Variants in SPTAN1 observed in about 807,000 individuals in gnomAD.
The protein encoded by SPTAN1 is spectrin alpha, non-erythrocytic 1.
SPTAN1 carries 61 observed loss-of-function variants against 331.3 expected under a neutral mutation model. The observed-to-expected ratio is 0.18, with a 90% CI of 0.15 to 0.23. SPTAN1 has a LOEUF of 0.23. SPTAN1 is among the 10% of genes least tolerant of loss of function. The probability of loss-of-function intolerance (pLI) is 1.00; values close to 1 mark genes in which losing one functional copy is unlikely to be tolerated. For missense variants in SPTAN1, 2,043 were observed against 3,147.9 expected (o/e 0.65, Z 8.40); for synonymous variants, 1,153 against 1,173.9 (o/e 0.98, Z 0.36).
intron 1 of SPTAN1, among the ~76,000 whole-genome samples, chr9:128,559,022 G>A (rs945832): frequency 0.97 from 148,006 of 152,252 alleles, 72,088 homozygotes; most frequent in East Asian, 1. Flanking sequence ...ATGTTTTTTG[G>A]TGTCTCCTGT....
At chr9:128,586,287 C>T (rs543922756) in intron 19 of SPTAN1, among the ~76,000 whole-genome samples, 88 of 151,586 alleles carry the variant, frequency 5.8e-4, no homozygotes, top group African/African-American at 1.9e-3. Context: ...TGCCTAGCTA[C>T]GCTTTTTAAT....
chr9:128,604,991 G>C, intron 29 of SPTAN1, 43 bp from the exon 30 acceptor site: 2 of 1,612,618 alleles, frequency 1.2e-6, no homozygotes, highest in Non-Finnish European at 1.7e-6. Flanking sequence ...AATCAAGGCA[G>C]TTGTACTTGG....
At chr9:128,608,474 A>T (rs890652026) in intron 34 of SPTAN1, among the ~76,000 whole-genome samples, 198 bp downstream of exon 34, 3 of 151,966 alleles carry the variant, frequency 2.0e-5, no homozygotes, top group Non-Finnish European at 4.4e-5. Flanking sequence ...GGAAAAAAAA[A>T]TATTATCAAA....
chr9:128,630,103 C>T (rs1042706302), intron 51 of SPTAN1: 1 of 728,138 alleles, frequency 1.4e-6, no homozygotes, highest in African/African-American at 1.7e-5. Context: ...TGGCCCACAC[C>T]AAGGCAGCAG....
intron 2 of SPTAN1, among the ~76,000 whole-genome samples, chr9:128,567,720 A>G (rs1269474266): frequency 6.6e-6 from 1 of 152,162 alleles, no homozygotes; most frequent in Non-Finnish European, 1.5e-5. Context: ...AATCTTATCA[A>G]AAGCAAAGCC....
intron 28 of SPTAN1, 75 bp downstream of exon 28, chr9:128,603,665 CT>C: frequency 6.4e-7 from 1 of 1,561,860 alleles, no homozygotes; most frequent in Non-Finnish European, 8.8e-7. Flanking sequence ...TACAGCAGAG[CT>C]CTTGTTCTTG....
intron 56 of SPTAN1, 91 bp downstream of exon 56, chr9:128,633,046 C>G: frequency 1.9e-6 from 3 of 1,593,194 alleles, no homozygotes; most frequent in Non-Finnish European, 2.6e-6. Context: ...ACAGGCCCTG[C>G]GCTGGGTATT....
intron 56 of SPTAN1, 76 bp from the exon 57 acceptor site, chr9:128,633,133 A>G (rs1204804839): frequency 1.2e-6 from 2 of 1,609,208 alleles, no homozygotes; most frequent in East Asian, 2.2e-5. Flanking sequence ...AGCCCCCAGC[A>G]TCCTGAGACC....
At chr9:128,604,977 C>T (rs1855637193) in intron 29 of SPTAN1, 57 bp from the exon 30 acceptor site, 9 of 1,595,118 alleles carry the variant, frequency 5.6e-6, no homozygotes, top group South Asian at 1.1e-5. Context: ...TTTTAGTGTC[C>T]TGTAATCAAG....
intron 1 of SPTAN1, among the ~76,000 whole-genome samples, chr9:128,564,602 T>C (rs2132900590): frequency 9.2e-6 from 1 of 108,404 alleles, no homozygotes; most frequent in South Asian, 3.1e-4. Flanking sequence ...TAAATAAAAA[T>C]CTGGTATACA....
At chr9:128,621,530 A>T (rs1857856655) in intron 45 of SPTAN1, 5 of 543,624 alleles carry the variant, frequency 9.2e-6, no homozygotes, top group Non-Finnish European at 1.7e-5. Context: ...TTCTCAAGCA[A>T]TACAGTCTCT....
Position 128,598,386 on chromosome 9 carries a change from C to T in SPTAN1, c.3415-14C>T. 3 of 1,605,328 alleles carry T rather than the reference C, an allele frequency of 1.9e-6. No homozygotes were observed. Among genetic ancestry groups the T allele is most frequent in the Non-Finnish European group, 2.6e-6 (3 of 1,175,296 alleles). On this transcript the variant is annotated splice_polypyrimidine_tract_variant and intron_variant, in intron 24 of 56. Transcript: ENST00000372739. ...CTATTTTGGGTTTTAGTTATTATGG[C>T]TTTTGCTTTAAAGGACCTGAAGGCC...
intron 48 of SPTAN1, 139 bp from the exon 49 acceptor site, chr9:128,626,252 C>A: frequency 8.8e-7 from 1 of 1,137,476 alleles, no homozygotes; most frequent in Non-Finnish European, 1.3e-6. Flanking sequence ...GAGCAGGAGA[C>A]AGGAGCAGAG....
At chr9:128,597,703 C>T (rs1257540792) in intron 24 of SPTAN1, among the ~76,000 whole-genome samples, 2 of 152,316 alleles carry the variant, frequency 1.3e-5, no homozygotes, top group East Asian at 3.9e-4. Flanking sequence ...GGATGGAGTG[C>T]AGTGGCACGA....
At position 128,625,964 on chromosome 9, in the gene SPTAN1, A is replaced by G. The variant is rs1279681643; in HGVS notation, c.6265A>G (p.Ser2089Gly). 6.2e-7 allele frequency: 1 copy of G among 1,614,108 alleles called. No homozygotes were observed. The highest frequency in any genetic ancestry group is 1.1e-5 in the South Asian group (1 of 91,078). ...ARKKKLLEAQ[S>G]HFRKVEDLFL... Reference sequence around the variant, plus strand: ...CAAGAAGAAGCTTCTGGAGGCTCAGAGTCACTTCCGCAAGGTGAGGATGGG... The same window carrying G: ...CAAGAAGAAGCTTCTGGAGGCTCAGGGTCACTTCCGCAAGGTGAGGATGGG... Residue 2089 changes from serine (S) to glycine (G), a missense_variant, in exon 48 of 57, where the codon AGT becomes GGT. By Grantham distance (56) the Ser-to-Gly change is moderately conservative. Transcript: ENST00000372739. This position sits in a 1 kb window ranked among gnomAD's most constrained non-coding sequence, Gnocchi z 4.1.
chr9:128,576,872 A>G lies in SPTAN1; in HGVS notation c.701A>G (p.Asn234Ser), dbSNP rs752578570. 39 of 1,614,030 alleles carry G rather than the reference A, an allele frequency of 2.4e-5. No homozygotes were observed. Among genetic ancestry groups the G allele is most frequent in the African/African-American group, 2.3e-4 (17 of 74,946 alleles). The change falls in exon 6 of 57, where the codon AAT becomes AGT. Residue 234 changes from asparagine (N) to serine (S), a missense_variant. Transcript: ENST00000372739. The part of the protein sequence containing the change: ...ELIKTKQDEV[N>S]AAWQRLKGLA... ...ATCAAGACTAAGCAGGATGAAGTCA[A>G]TGCAGCCTGGCAGCGGCTGAAGGGC...
chr9:128,629,138 CG>C lies in SPTAN1; in HGVS notation c.6708-1180del. On this transcript the variant is annotated intron_variant, in intron 51 of 56. Transcript: ENST00000372739. The surrounding 1 kb of genome is among the most constrained non-coding windows in gnomAD (Gnocchi z 4.9). The stretch of plus-strand genomic sequence containing the variant: ...TTCTTTGAATAGCATAGCATATCGT[CG>C]GGTCATTCGTGTCTATCAGTATGAA... The C allele has an allele frequency of 2.5e-6, 1 of 398,722 alleles. No individual in the cohort carries two copies. Among genetic ancestry groups the C allele is most frequent in the Non-Finnish European group, 4.4e-6 (1 of 226,168 alleles). The allele number at this position is 398,722 out of a possible 1,614,324, so 24.7% of individuals were successfully genotyped here. A position where few individuals can be genotyped will look rare whatever the true frequency, so the allele number is the denominator to read the frequency against.
intron 44 of SPTAN1, among the ~76,000 whole-genome samples, chr9:128,619,257 C>CT (rs1484491453): frequency 6.6e-6 from 1 of 152,136 alleles, no homozygotes; most frequent in African/African-American, 2.4e-5. Flanking sequence ...GCGCTGTGGG[C>CT]TTGAGTCTTC....
chr9:128,591,439 A>C, intron 21 of SPTAN1, 38 bp from the exon 22 acceptor site: 1 of 1,613,648 alleles, frequency 6.2e-7, no homozygotes, highest in Non-Finnish European at 8.5e-7. Flanking sequence ...CCTCTCAGAG[A>C]AGGAATTTAC....
Sources: gnomAD v4.1 joint callset for allele counts (sites outside exome capture counted in the v4.1 genomes callset) on GRCh38, gnomAD v4.1.1 for gene constraint, Gnocchi (gnomAD v3.1) non-coding constraint, MANE v1.5 for transcripts, NCBI Gene and HGNC (gene_info 2026-07-23, HGNC 2026-07-21) for gene names.